MYOM2: variants seen among roughly 807,000 people sequenced by gnomAD.
MYOM2 encodes myomesin-2.
In MYOM2, 254 loss-of-function variants were observed where a neutral mutation model predicts 187.6. The ratio of observed to expected loss-of-function variants is 1.35; its 90% CI spans 1.22 to 1.50. The LOEUF (loss-of-function observed/expected upper bound fraction) is 1.50, where lower values mean the gene tolerates loss of function less well. MYOM2 is among the 40% of genes most tolerant of loss of function. The pLI is 0.00. For missense variants in MYOM2, 2,796 were observed against 1,924.0 expected (o/e 1.45, Z -8.48); for synonymous variants, 981 against 753.8 (o/e 1.30, Z -4.94).
intron 20 of MYOM2, chr8:2,102,370 T>A: frequency 3.4e-6 from 1 of 294,070 alleles, no homozygotes. Flanking sequence ...ATGTTAAATA[T>A]AAACACCAGA....
rs12677887 is a variant in MYOM2 at position 2,106,222 on chromosome 8, T to G, written c.2735-20T>G. 1 of 1,613,044 alleles carries G rather than the reference T, an allele frequency of 6.2e-7. No individual in the cohort carries two copies. The highest frequency in any genetic ancestry group is 8.5e-7 in the Non-Finnish European group (1 of 1,179,460). On this transcript the variant is annotated intron_variant, in intron 21 of 36. Coordinates refer to ENST00000262113, the MANE Select transcript of MYOM2 (RefSeq NM_003970.4). ...AACACCGTGTCCCTAAGCCGCTCAC[T>G]TCATACTCTTCTTATGCAGGCACCA... is the stretch of plus-strand genomic sequence containing the variant.
In MYOM2 at chr8:2,088,221, A is replaced by C. The variant is rs2116720445; in HGVS notation, c.1645-1787A>C. On this transcript the variant is annotated intron_variant, in intron 14 of 36. Coordinates refer to ENST00000262113, the MANE Select transcript of MYOM2 (RefSeq NM_003970.4). ...CGCCTCCCTCCCACTCTTTCCCCCA[A>C]GTCCCCAGAGTCTATTGTGTCATTC... Among the ~76,000 whole-genome samples the C allele has an allele frequency of 2.0e-5, 3 of 152,282 alleles. No individual in the cohort carries two copies. The South Asian group carries it at 6.2e-4, about 32-fold the overall frequency.
intron 28 of MYOM2, among the ~76,000 whole-genome samples, chr8:2,120,905 A>G (rs1387720787): frequency 6.6e-6 from 1 of 151,246 alleles, no homozygotes; most frequent in Non-Finnish European, 1.5e-5. Context: ...AAAAATACTT[A>G]GATTTATTTT....
At chr8:2,071,453 T>G (rs1049574602) in intron 8 of MYOM2, among the ~76,000 whole-genome samples, 2 of 152,154 alleles carry the variant, frequency 1.3e-5, no homozygotes, top group African/African-American at 4.8e-5. Flanking sequence ...CGCTTCTGGA[T>G]CTAGTTACTT....
At chr8:2,124,892 T>G (rs1797584551) in intron 31 of MYOM2, among the ~76,000 whole-genome samples, 1 of 152,212 alleles carries the variant, frequency 6.6e-6, no homozygotes, top group South Asian at 2.1e-4. Context: ...TCTGTCTTCT[T>G]TTGAGAAATA....
intron 6 of MYOM2, among the ~76,000 whole-genome samples, chr8:2,066,412 C>T (rs574719812): frequency 1.3e-5 from 2 of 152,172 alleles, no homozygotes; most frequent in Admixed American, 6.5e-5. Flanking sequence ...GGGAGGCTGT[C>T]GCCCTTGTTT....
intron 31 of MYOM2, among the ~76,000 whole-genome samples, chr8:2,125,604 CTTTTTTTTTT>C (rs35137852): frequency 5.6e-5 from 5 of 89,304 alleles, no homozygotes; most frequent in African/African-American, 1.3e-4. Flanking sequence ...ATTATTTTTC[CTTTTTTTTTT>C]TTTTTTTTTT....
intron 13 of MYOM2, among the ~76,000 whole-genome samples, chr8:2,080,138 G>A (rs551471968): frequency 2.0e-5 from 3 of 152,282 alleles, no homozygotes; most frequent in South Asian, 2.1e-4. Flanking sequence ...AAAGAATGAC[G>A]TGTTAAGGAG....
At position 2,096,411 on chromosome 8, in the gene MYOM2, C is replaced by G. The variant is rs762018235; in HGVS notation, c.2290C>G (p.Pro764Ala). ...AAACTGGCACGAGGTCAATTCCTCA[C>G]CCAGCAAACCGACAATCCTAACGGT... ...HKNWHEVNSS[P>A]SKPTILTVDG... Residue 764 changes from proline (P) to alanine (A), a missense_variant, in exon 18 of 37, where the codon CCC (proline) becomes GCC (alanine). Pro to Ala is a conservative substitution (Grantham distance 27, BLOSUM62 -1). Coordinates refer to ENST00000262113, the MANE Select transcript of MYOM2 (RefSeq NM_003970.4). 1 of 1,614,086 alleles carries G rather than the reference C, an allele frequency of 6.2e-7. No homozygotes were observed. The highest frequency in any genetic ancestry group is 8.5e-7 in the Non-Finnish European group (1 of 1,180,038).
chr8:2,136,882 G>A (rs971485912), intron 32 of MYOM2, among the ~76,000 whole-genome samples: 2 of 152,122 alleles, frequency 1.3e-5, no homozygotes, highest in South Asian at 2.1e-4. Flanking sequence ...AGGCTAAAAC[G>A]CTGCCACTTC....
rs1819829315 is a variant in MYOM2 at position 2,085,574 on chromosome 8, TGTTGTGATCTCTGCGTGGCCCC to T, written c.1644+185_1644+206del. Reference sequence around the variant, plus strand: ...TGTCATGATCTCTGCGTGGCCCCACTGTTGTGATCTCTGCGTGGCCCCACTGTCGTGATCTCTGCGTGGCCCC... The same window carrying T: ...TGTCATGATCTCTGCGTGGCCCCACTACTGTCGTGATCTCTGCGTGGCCCC... On this transcript the variant is annotated intron_variant, in intron 14 of 36. Coordinates refer to ENST00000262113, the MANE Select transcript of MYOM2 (RefSeq NM_003970.4). 1.2e-4 allele frequency among the ~76,000 whole-genome samples: 2 copies of T among 16,894 alleles called. 1 individual carries two copies. The allele number at this position is 16,894 out of a possible 152,430, so 11.1% of individuals were successfully genotyped here.
At chr8:2,126,266 C>G (rs1483329940) in intron 31 of MYOM2, among the ~76,000 whole-genome samples, 1 of 152,150 alleles carries the variant, frequency 6.6e-6, no homozygotes, top group Admixed American at 6.5e-5. Context: ...CAATAGGGAG[C>G]CTTTATTCTC....
chr8:2,094,145 T>C (rs1483751626), intron 17 of MYOM2, 54 bp downstream of exon 17: 1 of 1,593,630 alleles, frequency 6.3e-7, no homozygotes, highest in East Asian at 2.3e-5. Flanking sequence ...CTGTCATTTC[T>C]GCATGAATAA....
At chr8:2,101,825 C>T (rs535130820) in intron 20 of MYOM2, among the ~76,000 whole-genome samples, 1 of 152,264 alleles carries the variant, frequency 6.6e-6, no homozygotes, top group Admixed American at 6.5e-5. Context: ...GATATACACA[C>T]AGTTTTCATA....
At chr8:2,130,488 A>C (rs147083405) in intron 32 of MYOM2, among the ~76,000 whole-genome samples, 1 of 152,234 alleles carries the variant, frequency 6.6e-6, no homozygotes, top group Admixed American at 6.5e-5. Context: ...ATATTTCCAA[A>C]GGAAAATCAA....
intron 32 of MYOM2, 48 bp from the exon 33 acceptor site, chr8:2,140,675 G>A: frequency 1.3e-6 from 2 of 1,594,912 alleles, no homozygotes; most frequent in Middle Eastern, 1.7e-4. Context: ...CATTGTGCGT[G>A]TGACATGGAG....
chr8:2,102,398 T>A, intron 20 of MYOM2: 1 of 370,830 alleles, frequency 2.7e-6, no homozygotes, highest in Non-Finnish European at 4.9e-6. Context: ...CTAGTCAGTA[T>A]GATTTTACTT....
chr8:2,068,885 G>T (rs571126376), intron 6 of MYOM2, among the ~76,000 whole-genome samples: 2 of 152,324 alleles, frequency 1.3e-5, no homozygotes, highest in East Asian at 1.9e-4. Context: ...ATCCCATCAC[G>T]ACTGGTTCTG....
chr8:2,093,927 AGT>A (rs1185687931), intron 16 of MYOM2, 41 bp from the exon 17 acceptor site: 1 of 1,594,248 alleles, frequency 6.3e-7, no homozygotes, highest in Non-Finnish European at 8.6e-7. Context: ...GGAGAGAAAA[AGT>A]GGAGCCTGGC....
Sources: gnomAD v4.1 joint callset for allele counts (sites outside exome capture counted in the v4.1 genomes callset) on GRCh38, gnomAD v4.1.1 for gene constraint, MANE v1.5 for transcripts, NCBI Gene and HGNC (gene_info 2026-07-23, HGNC 2026-07-21) for gene names.